KCTD8: variants seen among roughly 807,000 people sequenced by gnomAD.
The protein encoded by KCTD8 is potassium channel tetramerization domain containing 8, also known as BTB/POZ domain-containing protein KCTD8.
A neutral mutation model predicts 31.5 loss-of-function variants in KCTD8; 27 were observed. The ratio of observed to expected loss-of-function variants is 0.86; its 90% CI spans 0.63 to 1.18. KCTD8 has a LOEUF of 1.18. KCTD8 is among the 50% of genes most tolerant of loss of function. The probability of loss-of-function intolerance (pLI) is 0.00; values close to 1 mark genes in which losing one functional copy is unlikely to be tolerated. For synonymous variants in KCTD8, 290 were observed against 280.0 expected (o/e 1.04, Z -0.36); for missense variants, 658 against 647.7 (o/e 1.02, Z -0.17).
At chr4:44,416,408 AG>A (rs1425751070) in intron 1 of KCTD8, among the ~76,000 whole-genome samples, 2 of 152,196 alleles carry the variant, frequency 1.3e-5, no homozygotes, top group Non-Finnish European at 2.9e-5. Flanking sequence ...TGATGTGAGA[AG>A]GGTATGAGTT....
chr4:44,268,592 G>A (rs569838233), intron 1 of KCTD8, among the ~76,000 whole-genome samples: 2 of 151,954 alleles, frequency 1.3e-5, no homozygotes, highest in East Asian at 1.9e-4. Flanking sequence ...TAGGAAAAGA[G>A]GAAGTCAAAT....
At chr4:44,357,846 T>A (rs1719384293) in intron 1 of KCTD8, among the ~76,000 whole-genome samples, 1 of 151,860 alleles carries the variant, frequency 6.6e-6, no homozygotes, top group Non-Finnish European at 1.5e-5. Context: ...AAAGGATTAT[T>A]GTATCAGCAC....
intron 1 of KCTD8, among the ~76,000 whole-genome samples, chr4:44,192,139 A>G (rs1713782641): frequency 2.0e-5 from 3 of 152,238 alleles, no homozygotes; most frequent in South Asian, 4.1e-4. Flanking sequence ...GGTTCCCCCG[A>G]TAAATGCTTA....
rs1317899577 is a variant in KCTD8, at chr4:44,444,590, T to C, written c.961+2973A>G. 2.0e-5 allele frequency among the ~76,000 whole-genome samples: 3 copies of C among 152,186 alleles called. No individual in the cohort carries two copies. The East Asian group carries it at 5.8e-4, about 29-fold the overall frequency. On this transcript the variant is annotated intron_variant, in intron 1 of 1. Transcript: ENST00000360029. ...GCTTTTATTATGAGTCAGGCACTAA[T>C]CTAAGCACTACATGTATATTCTCAA...
chr4:44,334,318 T>C (rs1718662187), intron 1 of KCTD8, among the ~76,000 whole-genome samples: 1 of 152,118 alleles, frequency 6.6e-6, no homozygotes, highest in African/African-American at 2.4e-5. Flanking sequence ...AAACCTTCTA[T>C]AAATTTCAAA....
chr4:44,276,959 C>G (rs1405815714), intron 1 of KCTD8, among the ~76,000 whole-genome samples: 2 of 151,876 alleles, frequency 1.3e-5, no homozygotes, highest in Non-Finnish European at 1.5e-5. Flanking sequence ...CAAATCCCAG[C>G]CTAGCTACTT....
intron 1 of KCTD8, among the ~76,000 whole-genome samples, chr4:44,258,706 C>T (rs763197398): frequency 6.6e-6 from 1 of 151,884 alleles, no homozygotes; most frequent in African/African-American, 2.4e-5. Flanking sequence ...ACCAAACTTT[C>T]CATTACTGGT....
intron 1 of KCTD8, among the ~76,000 whole-genome samples, chr4:44,423,938 A>C (rs1346959730): frequency 6.6e-6 from 1 of 152,038 alleles, no homozygotes; most frequent in Admixed American, 6.6e-5. Context: ...CAGCTTACAC[A>C]TTTTCAGGTG....
chr4:44,235,188 TGA>T (rs1203722300), intron 1 of KCTD8, among the ~76,000 whole-genome samples: 2 of 130,866 alleles, frequency 1.5e-5, no homozygotes, highest in Admixed American at 1.5e-4. Context: ...GACAGTGTGC[TGA>T]GTTTTTTTTT....
intron 1 of KCTD8, among the ~76,000 whole-genome samples, chr4:44,426,178 C>A (rs1206186471): frequency 1.3e-5 from 2 of 151,186 alleles, no homozygotes; most frequent in African/African-American, 4.9e-5. Flanking sequence ...TTAAGTAGGT[C>A]CATCAAGAAA....
chr4:44,373,894 A>G (rs1356902794), intron 1 of KCTD8, among the ~76,000 whole-genome samples: 1 of 152,130 alleles, frequency 6.6e-6, no homozygotes, highest in Non-Finnish European at 1.5e-5. Context: ...GAAACCTTGG[A>G]TTAGACACTG....
intron 1 of KCTD8, among the ~76,000 whole-genome samples, chr4:44,348,039 C>T (rs1023032487): frequency 2.0e-5 from 3 of 152,084 alleles, no homozygotes; most frequent in African/African-American, 7.2e-5. Context: ...AATTATAGCC[C>T]AATTTTGCTT....
At chr4:44,398,849 A>C (rs1195135072) in intron 1 of KCTD8, among the ~76,000 whole-genome samples, 1 of 152,194 alleles carries the variant, frequency 6.6e-6, no homozygotes, top group Admixed American at 6.6e-5. Context: ...GGGTGGTTTC[A>C]GGATGATTGA....
At position 44,431,152 on chromosome 4, in the gene KCTD8, ATT is replaced by A. The variant is rs1721493534; in HGVS notation, c.961+16409_961+16410del. ...AAGTTAATCCCCCTTAATTTTTAAA[ATT>A]TGTTTTAGTTTCTTTTAAATTAATA... is the stretch of plus-strand genomic sequence containing the variant. On this transcript the variant is annotated intron_variant, in intron 1 of 1. Coordinates refer to ENST00000360029, the MANE Select transcript of KCTD8 (RefSeq NM_198353.3). Among the ~76,000 whole-genome samples, 4 of 151,840 alleles carry A rather than the reference ATT, an allele frequency of 2.6e-5. No homozygotes were observed. In the South Asian group the frequency reaches 6.2e-4, roughly 24 times the overall value.
intron 1 of KCTD8, among the ~76,000 whole-genome samples, chr4:44,414,232 AT>A (rs1721022155): frequency 6.6e-6 from 1 of 152,136 alleles, no homozygotes; most frequent in East Asian, 1.9e-4. Flanking sequence ...GGCTTAGAGA[AT>A]TTTTATTAAG....
intron 1 of KCTD8, among the ~76,000 whole-genome samples, chr4:44,304,205 G>A (rs1231200715): frequency 6.6e-6 from 1 of 152,010 alleles, no homozygotes; most frequent in Non-Finnish European, 1.5e-5. Context: ...TTAAGCCCAA[G>A]AAGAATAAGA....
chr4:44,182,007 C>G (rs1443272412), intron 1 of KCTD8, among the ~76,000 whole-genome samples: 1 of 151,614 alleles, frequency 6.6e-6, no homozygotes, highest in East Asian at 2.0e-4. Flanking sequence ...TGAGGAGCCC[C>G]TCCGCCTGGC....
At chr4:44,223,547 T>C (rs752622693) in intron 1 of KCTD8, among the ~76,000 whole-genome samples, 3 of 152,194 alleles carry the variant, frequency 2.0e-5, no homozygotes, top group Non-Finnish European at 2.9e-5. Flanking sequence ...GTTAAAGAAA[T>C]ATTTCATTGA....
intron 1 of KCTD8, among the ~76,000 whole-genome samples, chr4:44,302,371 C>T (rs1202689802): frequency 2.0e-5 from 3 of 152,014 alleles, no homozygotes; most frequent in Non-Finnish European, 2.9e-5. Flanking sequence ...TCTTCCACTT[C>T]TTTGTAACCT....
Sources: gnomAD v4.1 joint callset for allele counts (sites outside exome capture counted in the v4.1 genomes callset) on GRCh38, gnomAD v4.1.1 for gene constraint, MANE v1.5 for transcripts, NCBI Gene and HGNC (gene_info 2026-07-23, HGNC 2026-07-21) for gene names.